The following COL25A1 variants were observed in gnomAD, a reference collection of about 807,000 sequenced individuals.
The protein encoded by COL25A1 is collagen alpha-1(XXV) chain.
Under a neutral mutation model 128.4 loss-of-function variants are expected in COL25A1, and 103 were observed. The ratio of observed to expected loss-of-function variants is 0.80; its 90% CI spans 0.68 to 0.94. The LOEUF (loss-of-function observed/expected upper bound fraction) is 0.94, where lower values mean the gene tolerates loss of function less well. Ranked by LOEUF, COL25A1 falls within the 40% of genes least tolerant of loss-of-function variation. The probability of loss-of-function intolerance (pLI) is 0.00; values close to 1 mark genes in which losing one functional copy is unlikely to be tolerated. For synonymous variants in COL25A1, 279 were observed against 277.2 expected (o/e 1.01, Z -0.06); for missense variants, 745 against 840.0 (o/e 0.89, Z 1.40).
At chr4:109,096,962 G>A (rs956598697) in intron 3 of COL25A1, among the ~76,000 whole-genome samples, 3 of 152,140 alleles carry the variant, frequency 2.0e-5, no homozygotes, top group South Asian at 2.1e-4. Flanking sequence ...CTGGGCAACC[G>A]TAATAGCAGG....
At chr4:109,179,098 A>G (rs1284664427) in intron 3 of COL25A1, among the ~76,000 whole-genome samples, 1 of 152,156 alleles carries the variant, frequency 6.6e-6, no homozygotes, top group Non-Finnish European at 1.5e-5. Context: ...CACCAGGGAC[A>G]TGAATTCAGG....
intron 3 of COL25A1, among the ~76,000 whole-genome samples, chr4:109,109,175 T>A (rs1293821571): frequency 6.6e-6 from 1 of 152,082 alleles, no homozygotes; most frequent in Non-Finnish European, 1.5e-5. Context: ...CACAACCTCC[T>A]CCTCCTGGGT....
intron 3 of COL25A1, among the ~76,000 whole-genome samples, chr4:109,288,153 AG>A (rs1487726411): frequency 1.3e-5 from 2 of 152,192 alleles, no homozygotes; most frequent in Non-Finnish European, 2.9e-5. Flanking sequence ...CCATTCAAAA[AG>A]TTCCTTCAGT....
chr4:109,288,960 TATACACACAC>T (rs36224391), intron 3 of COL25A1, among the ~76,000 whole-genome samples: 12,602 of 98,272 alleles, frequency 0.13, 624 homozygotes, highest in East Asian at 0.26. Context: ...CTAAATTATA[TATACACACAC>T]ACACACACAC....
intron 8 of COL25A1, among the ~76,000 whole-genome samples, chr4:108,954,436 C>T (rs1749818989): frequency 6.6e-6 from 1 of 151,894 alleles, no homozygotes; most frequent in Admixed American, 6.6e-5. Context: ...ATATAATTTA[C>T]TCGAAATAAC....
At chr4:109,209,493 ACT>A (rs1777319395) in intron 3 of COL25A1, among the ~76,000 whole-genome samples, 1 of 152,008 alleles carries the variant, frequency 6.6e-6, no homozygotes, top group Non-Finnish European at 1.5e-5. Flanking sequence ...TAACCAATCA[ACT>A]CTATTTCTTT....
intron 3 of COL25A1, among the ~76,000 whole-genome samples, chr4:109,170,524 C>A (rs1259178042): frequency 1.3e-5 from 2 of 152,050 alleles, no homozygotes; most frequent in Non-Finnish European, 2.9e-5. Flanking sequence ...AACAAAAAAC[C>A]TGGCTCCTGG....
At chr4:109,253,551 G>A (rs1780805834) in intron 3 of COL25A1, among the ~76,000 whole-genome samples, 1 of 152,134 alleles carries the variant, frequency 6.6e-6, no homozygotes, top group African/African-American at 2.4e-5. Flanking sequence ...CAGAAACACT[G>A]TAATAGACAC....
intron 3 of COL25A1, among the ~76,000 whole-genome samples, chr4:109,259,022 A>C (rs2189703): frequency 0.083 from 12,639 of 152,200 alleles, 1,326 homozygotes; most frequent in African/African-American, 0.25. Flanking sequence ...TTTTCATATT[A>C]TGTCAAAGTT....
At chr4:109,288,958 T>TAC (rs1254726551) in intron 3 of COL25A1, among the ~76,000 whole-genome samples, 1 of 69,652 alleles carries the variant, frequency 1.4e-5, no homozygotes, top group African/African-American at 6.6e-5. Context: ...TACTAAATTA[T>TAC]ATATACACAC....
chr4:109,179,041 GA>G lies in COL25A1; in HGVS notation c.367+121541del, dbSNP rs113954556. On this transcript the variant is annotated intron_variant, in intron 3 of 37. Coordinates refer to ENST00000399132, the MANE Select transcript of COL25A1 (RefSeq NM_198721.4). ...AATGTTAGACTAGCATTTTTAAAAT[GA>G]AAAAAAAAAAAGTTGTCCTAAAATG... Among the ~76,000 whole-genome samples, 287 of 141,414 alleles carry G rather than the reference GA, an allele frequency of 2.0e-3. 1 individual carries two copies. The highest frequency in any genetic ancestry group is 4.8e-3 in the African/African-American group (186 of 38,694). 92.8% of individuals were successfully genotyped at this position (141,414 alleles called of 152,430 possible). A position where few individuals can be genotyped will look rare whatever the true frequency, so the allele number is the denominator to read the frequency against.
chr4:109,082,778 T>C (rs1763955916), intron 3 of COL25A1, among the ~76,000 whole-genome samples: 1 of 152,198 alleles, frequency 6.6e-6, no homozygotes, highest in Admixed American at 6.5e-5. Flanking sequence ...AAAAAACTTT[T>C]ATTTTAGGTT....
At chr4:109,133,588 C>T (rs1453062327) in intron 3 of COL25A1, among the ~76,000 whole-genome samples, 1 of 151,916 alleles carries the variant, frequency 6.6e-6, no homozygotes, top group African/African-American at 2.4e-5. Context: ...TTGTAAATAT[C>T]AATAGTTATT....
chr4:109,183,453 G>A (rs1266133854), intron 3 of COL25A1, among the ~76,000 whole-genome samples: 3 of 152,064 alleles, frequency 2.0e-5, no homozygotes, highest in Non-Finnish European at 2.9e-5. Context: ...AAAATGCAAA[G>A]ACTTTTATTT....
intron 13 of COL25A1, among the ~76,000 whole-genome samples, chr4:108,905,448 C>A (rs144217578): frequency 6.6e-6 from 1 of 151,298 alleles, no homozygotes; most frequent in Non-Finnish European, 1.5e-5. Context: ...CACACCAGCA[C>A]GGCACATGTA....
At chr4:109,001,968 T>C (rs945427407) in intron 6 of COL25A1, among the ~76,000 whole-genome samples, 2 of 152,138 alleles carry the variant, frequency 1.3e-5, no homozygotes, top group African/African-American at 4.8e-5. Context: ...GTGCTCCACA[T>C]CACTAATCAT....
In COL25A1 at chr4:108,935,909, T is replaced by C. The variant is rs139836796; in HGVS notation, c.708+1899A>G. Among the ~76,000 whole-genome samples the C allele has an allele frequency of 2.6e-5, 4 of 152,270 alleles. No individual in the cohort carries two copies. In the East Asian group the frequency reaches 7.7e-4, roughly 29 times the overall value. ...AACATTGTATATTAGGATGCTGTGT[T>C]GGGTATCAGGGAAAAAAGCCAATGC... On this transcript the variant is annotated intron_variant, in intron 11 of 37. Coordinates refer to ENST00000399132, the MANE Select transcript of COL25A1 (RefSeq NM_198721.4).
intron 3 of COL25A1, among the ~76,000 whole-genome samples, chr4:109,154,671 C>G (rs189388453): frequency 6.6e-6 from 1 of 152,280 alleles, no homozygotes; most frequent in East Asian, 1.9e-4. Context: ...AGAAAACATT[C>G]ACAATCATCA....
intron 3 of COL25A1, among the ~76,000 whole-genome samples, chr4:109,272,739 G>T (rs1246777088): frequency 6.6e-6 from 1 of 152,172 alleles, no homozygotes; most frequent in Admixed American, 6.6e-5. Flanking sequence ...ATGCTTGGAA[G>T]ATTTGCAGGG....
Sources: allele counts gnomAD v4.1 joint callset (sites outside exome capture counted in the v4.1 genomes callset), GRCh38; gene constraint gnomAD v4.1.1; transcripts MANE v1.5; gene names NCBI Gene and HGNC (gene_info 2026-07-23, HGNC 2026-07-21).